The following NTM variants were observed in gnomAD, a reference collection of about 807,000 sequenced individuals.
NTM encodes IgLON family member 2.
A neutral mutation model predicts 42.1 loss-of-function variants in NTM; 13 were observed. That is an observed-to-expected ratio of 0.31 (90% CI 0.20 to 0.49). The LOEUF (loss-of-function observed/expected upper bound fraction) is 0.49, where lower values mean the gene tolerates loss of function less well. Ranked by LOEUF, NTM falls within the 20% of genes least tolerant of loss-of-function variation. NTM has a pLI of 0.99. For synonymous variants in NTM, 187 were observed against 179.2 expected (o/e 1.04, Z -0.35); for missense variants, 373 against 452.8 (o/e 0.82, Z 1.60).
At chr11:131,523,782 C>CAAAAAA (rs3040114) in intron 1 of NTM, among the ~76,000 whole-genome samples, 79 of 71,612 alleles carry the variant, frequency 1.1e-3, no homozygotes, top group East Asian at 2.3e-3. Context: ...GACTCCATCT[C>CAAAAAA]AAAAAAAAAA....
At chr11:131,583,211 T>C (rs1474600474) in intron 1 of NTM, among the ~76,000 whole-genome samples, 1 of 152,186 alleles carries the variant, frequency 6.6e-6, no homozygotes, top group African/African-American at 2.4e-5. Context: ...AATACCAGCC[T>C]GCTGGCCCTA....
At chr11:131,580,762 C>T (rs1374185209) in intron 1 of NTM, among the ~76,000 whole-genome samples, 1 of 152,132 alleles carries the variant, frequency 6.6e-6, no homozygotes, top group Non-Finnish European at 1.5e-5. Flanking sequence ...CTTCGTATTC[C>T]CTTGCATCAT....
intron 1 of NTM, among the ~76,000 whole-genome samples, chr11:131,443,137 T>G (rs1054609255): frequency 6.6e-6 from 1 of 152,050 alleles, no homozygotes; most frequent in African/African-American, 2.4e-5. Context: ...ACACAGTACG[T>G]GTGGTGAGCT....
At chr11:132,058,005 A>AT (rs1176694216) in intron 2 of NTM, among the ~76,000 whole-genome samples, 6 of 151,874 alleles carry the variant, frequency 4.0e-5, no homozygotes, top group Non-Finnish European at 8.8e-5. Flanking sequence ...TGACTGAAAT[A>AT]TTTTTTTATC....
At chr11:131,946,592 C>A (rs1173317915) in intron 2 of NTM, among the ~76,000 whole-genome samples, 2 of 152,174 alleles carry the variant, frequency 1.3e-5, no homozygotes, top group African/African-American at 2.4e-5. Context: ...CTTTATCTTT[C>A]TTCTCCAGAG....
chr11:132,174,128 A>G (rs984635941), intron 3 of NTM, among the ~76,000 whole-genome samples: 1 of 152,290 alleles, frequency 6.6e-6, no homozygotes, highest in Non-Finnish European at 1.5e-5. Flanking sequence ...TGTCTTAATG[A>G]TACTTAATGA....
chr11:132,111,418 G>A (rs1224185822), intron 2 of NTM, among the ~76,000 whole-genome samples: 1 of 152,078 alleles, frequency 6.6e-6, no homozygotes, highest in African/African-American at 2.4e-5. Context: ...TTCAGCACAA[G>A]ATAAGTGAAC....
intron 1 of NTM, among the ~76,000 whole-genome samples, chr11:131,658,595 C>T (rs562326083): frequency 5.0e-4 from 76 of 152,348 alleles, no homozygotes; most frequent in African/African-American, 1.7e-3. Context: ...TTTCCTCCCC[C>T]GACTTAGAGG....
At chr11:132,330,918 C>G (rs2095790824) in intron 8 of NTM, among the ~76,000 whole-genome samples, 1 of 152,218 alleles carries the variant, frequency 6.6e-6, no homozygotes, top group African/African-American at 2.4e-5. Context: ...CCAGCACTGG[C>G]TTTGAGAGGG....
At chr11:131,843,116 C>G (rs2044480934) in intron 1 of NTM, among the ~76,000 whole-genome samples, 1 of 152,048 alleles carries the variant, frequency 6.6e-6, no homozygotes, top group African/African-American at 2.4e-5. Context: ...AAGTTGCTAG[C>G]TACCAATTTT....
chr11:131,874,065 A>ATATATATATCTATC (rs1565659857), intron 1 of NTM, among the ~76,000 whole-genome samples: 1 of 60,196 alleles, frequency 1.7e-5, no homozygotes, highest in African/African-American at 4.3e-5. Flanking sequence ...ATATATATAT[A>ATATATATATCTATC]TATCAGCAAC....
chr11:132,075,671 A>C (rs2058273565), intron 2 of NTM, among the ~76,000 whole-genome samples: 1 of 152,184 alleles, frequency 6.6e-6, no homozygotes, highest in Non-Finnish European at 1.5e-5. Flanking sequence ...CAGAAATCTA[A>C]AAATAAACTG....
intron 4 of NTM, among the ~76,000 whole-genome samples, chr11:132,265,832 G>A (rs2093150355): frequency 6.6e-6 from 1 of 152,186 alleles, no homozygotes; most frequent in African/African-American, 2.4e-5. Context: ...TTTTATAGAT[G>A]AGAAAACTGA....
intron 1 of NTM, among the ~76,000 whole-genome samples, chr11:131,753,123 A>C (rs1375896995): frequency 5.3e-5 from 8 of 152,128 alleles, no homozygotes; most frequent in African/African-American, 1.9e-4. Context: ...TTATGCAGCC[A>C]AAAAACACAT....
At chr11:132,275,713 TGTATATATATAC>T (rs1279119360) in intron 4 of NTM, among the ~76,000 whole-genome samples, 1 of 132,498 alleles carries the variant, frequency 7.5e-6, no homozygotes, top group African/African-American at 2.8e-5. Flanking sequence ...TATATATATA[TGTATATATATAC>T]GTATATATAC....
chr11:131,904,914 A>G (rs1157377024), intron 1 of NTM, among the ~76,000 whole-genome samples: 6 of 152,120 alleles, frequency 3.9e-5, no homozygotes, highest in Non-Finnish European at 8.8e-5. Context: ...CTCTCTGACT[A>G]CATCTCAGCA....
chr11:131,819,968 C>A (rs191519230), intron 1 of NTM, among the ~76,000 whole-genome samples: 1 of 152,308 alleles, frequency 6.6e-6, no homozygotes, highest in Admixed American at 6.5e-5. Flanking sequence ...GCCTTCGTGG[C>A]ACAGGGTGTT....
chr11:131,996,372 A>G (rs2068028008), intron 2 of NTM, among the ~76,000 whole-genome samples: 1 of 152,178 alleles, frequency 6.6e-6, no homozygotes, highest in African/African-American at 2.4e-5. Flanking sequence ...ATCCACTACA[A>G]GAGATGGACG....
In NTM at chr11:131,549,663, C is replaced by T. The variant is rs562465013; in HGVS notation, c.82+178775C>T. On this transcript the variant is annotated intron_variant, in intron 1 of 8. Coordinates refer to ENST00000683400, the MANE Select transcript of NTM (RefSeq NM_001352005.2). ...GCTTTCTGGGACCCACAGCTCTTTG[C>T]CCCATGTGTTCAGGTGTCTTCGATC... 1.5e-4 allele frequency among the ~76,000 whole-genome samples: 23 copies of T among 152,282 alleles called. No individual in the cohort carries two copies. The South Asian group carries it at 4.8e-3, about 32-fold the overall frequency.
Sources: gnomAD v4.1 joint callset for allele counts (sites outside exome capture counted in the v4.1 genomes callset) on GRCh38, gnomAD v4.1.1 for gene constraint, MANE v1.5 for transcripts, NCBI Gene and HGNC (gene_info 2026-07-23, HGNC 2026-07-21) for gene names.